CASQ1: variants seen among roughly 807,000 people sequenced by gnomAD.
CASQ1 encodes the protein calsequestrin-1.
CASQ1 carries 40 observed loss-of-function variants against 49.5 expected under a neutral mutation model. The observed-to-expected ratio is 0.81, with a 90% CI of 0.63 to 1.05. CASQ1 has a LOEUF of 1.05. CASQ1 is among the 50% of genes least tolerant of loss of function. The pLI, the probability that CASQ1 is intolerant of heterozygous loss-of-function variation, is 0.00. For synonymous variants in CASQ1, 174 were observed against 187.2 expected (o/e 0.93, Z 0.58); for missense variants, 469 against 486.9 (o/e 0.96, Z 0.35).
intron 7 of CASQ1, 38 bp from the exon 8 acceptor site, chr1:160,198,639 T>C (rs750054455): frequency 6.5e-6 from 10 of 1,541,110 alleles, no homozygotes; most frequent in African/African-American, 2.7e-5. Flanking sequence ...TAGTAAGGTC[T>C]TCTCCAAAAC....
intron 1 of CASQ1, 120 bp downstream of exon 1, chr1:160,191,150 A>C (rs1654067093): frequency 9.4e-7 from 1 of 1,061,474 alleles, no homozygotes; most frequent in Non-Finnish European, 1.4e-6. Context: ...TGTGGTAGGA[A>C]CCCTGTCCTG....
intron 6 of CASQ1, among the ~76,000 whole-genome samples, chr1:160,196,510 C>T (rs1473499812): frequency 6.6e-6 from 1 of 150,718 alleles, no homozygotes; most frequent in Non-Finnish European, 1.5e-5. Flanking sequence ...CCGAGTCTTA[C>T]TCTATCCCCT....
intron 1 of CASQ1, 104 bp downstream of exon 1, chr1:160,191,134 G>A (rs1278146339): frequency 7.9e-7 from 1 of 1,269,484 alleles, no homozygotes; most frequent in African/African-American, 1.5e-5. Flanking sequence ...TGGGGGTGAG[G>A]GGCAGTGTGG....
chr1:160,197,428 G>T, intron 6 of CASQ1, 141 bp from the exon 7 acceptor site: 1 of 679,720 alleles, frequency 1.5e-6, no homozygotes, highest in Non-Finnish European at 2.7e-6. Context: ...CCAGAGTTGA[G>T]GCCTTGCCAG....
intron 4 of CASQ1, 47 bp from the exon 5 acceptor site, chr1:160,195,414 G>A: frequency 6.4e-7 from 1 of 1,553,058 alleles, no homozygotes; most frequent in Non-Finnish European, 8.9e-7. Context: ...TGATTCCCGG[G>A]CAGACCCTGG....
chr1:160,191,052 C>T (rs907937424), intron 1 of CASQ1, 22 bp downstream of exon 1: 1 of 1,610,948 alleles, frequency 6.2e-7, no homozygotes, highest in East Asian at 2.2e-5. Context: ...GCACTGCAGG[C>T]CTGCAGAGCA....
At chr1:160,199,110 C>A in intron 9 of CASQ1, 57 bp downstream of exon 9, 1 of 1,077,494 alleles carries the variant, frequency 9.3e-7, no homozygotes, top group Non-Finnish European at 1.4e-6. Context: ...ACTGTGACAT[C>A]TTCTTAGTGA....
chr1:160,195,424 G>C, intron 4 of CASQ1, 37 bp from the exon 5 acceptor site: 4 of 1,595,754 alleles, frequency 2.5e-6, no homozygotes, highest in Non-Finnish European at 3.4e-6. Flanking sequence ...GCAGACCCTG[G>C]TTTCCCCAGA....
intron 1 of CASQ1, chr1:160,192,566 G>C: frequency 2.0e-6 from 1 of 495,560 alleles, no homozygotes; most frequent in Non-Finnish European, 3.7e-6. Context: ...GTGTCTTCAA[G>C]TCCAACATAA....
rs750563617 is a variant in CASQ1, at chr1:160,190,951, T to C, written c.200T>C (p.Leu67Pro). ...YKNVFKKYEV[L>P]ALLYHEPPED... ...AATGTGTTCAAGAAGTATGAGGTGC[T>C]GGCACTCCTCTACCATGAACCCCCC... Residue 67 changes from leucine to proline, a missense_variant, in exon 1 of 11, where the codon CTG becomes CCG. By Grantham distance (98) the Leu-to-Pro change is moderately conservative (BLOSUM62 -3). Coordinates refer to ENST00000368078, the MANE Select transcript of CASQ1 (RefSeq NM_001231.5). 32 of 1,614,034 alleles carry C rather than the reference T, an allele frequency of 2.0e-5. No individual in the cohort carries two copies. The East Asian group carries it at 7.1e-4, about 36-fold the overall frequency.
In CASQ1 at chr1:160,201,661, CTTGT is replaced by C; in HGVS notation, c.*286_*289del. 2.1e-6 allele frequency: 1 copy of C among 474,946 alleles called. No individual in the cohort carries two copies. Among genetic ancestry groups the C allele is most frequent in the East Asian group, 3.9e-5 (1 of 25,736 alleles). 29.4% of individuals were successfully genotyped at this position (474,946 alleles called of 1,614,324 possible). The stretch of plus-strand genomic sequence containing the variant: ...TCTTCCATCACTCTCCATACTCTTT[CTTGT>C]GATTCTCCTCTAGCCATATATATGG... On this transcript the variant is annotated 3_prime_UTR_variant, in exon 11 of 11. Coordinates refer to ENST00000368078, the MANE Select transcript of CASQ1 (RefSeq NM_001231.5).
At chr1:160,195,849 T>C (rs1438555295) in intron 5 of CASQ1, 48 bp from the exon 6 acceptor site, 2 of 1,595,448 alleles carry the variant, frequency 1.3e-6, no homozygotes, top group Non-Finnish European at 1.7e-6. Context: ...CTTCTCGACA[T>C]GACCCTGTGT....
intron 5 of CASQ1, 143 bp downstream of exon 5, chr1:160,195,677 C>A: frequency 1.2e-6 from 1 of 807,792 alleles, no homozygotes; most frequent in Non-Finnish European, 2.0e-6. Context: ...TCCTCCCACT[C>A]CATAGATTTA....
rs758133872 is a variant in CASQ1, at chr1:160,195,884, C to A, written c.652-13C>A. The A allele has an allele frequency of 5.0e-6, 8 of 1,613,204 alleles. No homozygotes were observed. In the African/African-American group the frequency reaches 1.1e-4, roughly 22 times the overall value. On this transcript the variant is annotated splice_polypyrimidine_tract_variant and intron_variant, in intron 5 of 10. Transcript: ENST00000368078. ...TCTCCTGCTCCACTCCCCTCCTACCCCCTCTCCCAAAGGTGGCAAAGAAGC... is the reference window on the plus strand; with the variant it reads ...TCTCCTGCTCCACTCCCCTCCTACCACCTCTCCCAAAGGTGGCAAAGAAGC...
chr1:160,194,963 T>C (rs780161633), intron 3 of CASQ1, 49 bp from the exon 4 acceptor site: 5 of 1,192,264 alleles, frequency 4.2e-6, no homozygotes, highest in Non-Finnish European at 4.8e-6. Flanking sequence ...CCCTTTCTGG[T>C]TCTACTTGAG....
At chr1:160,195,652 GC>G (rs66663076) in intron 5 of CASQ1, 118 bp downstream of exon 5, 7,484 of 710,250 alleles carry the variant, frequency 0.011, 36 homozygotes, top group African/African-American at 0.055. Flanking sequence ...CTCCCTACCT[GC>G]CCCCCCCCCC....
In CASQ1 at chr1:160,198,995, A is replaced by G. The variant is rs754247283; in HGVS notation, c.926A>G (p.Asp309Gly). 6 of 1,613,732 alleles carry G rather than the reference A, an allele frequency of 3.7e-6. No individual in the cohort carries two copies. The highest frequency in any genetic ancestry group is 5.1e-6 in the Non-Finnish European group (6 of 1,179,624). Residue 309 changes from aspartate to glycine, a missense_variant, in exon 9 of 11, where the codon GAT (aspartate) becomes GGT (glycine). Physicochemically the swap from Asp to Gly is moderately conservative, Grantham distance 94. Coordinates refer to ENST00000368078, the MANE Select transcript of CASQ1 (RefSeq NM_001231.5). The part of the protein sequence containing the change: ...FLETLKAVAQ[D>G]NTENPDLSII... ...GAGACTCTCAAGGCTGTGGCCCAAGATAACACTGAAAACCCAGATCTTAGC... is the reference window on the plus strand; with the variant it reads ...GAGACTCTCAAGGCTGTGGCCCAAGGTAACACTGAAAACCCAGATCTTAGC...
chr1:160,198,635 G>A, intron 7 of CASQ1, 42 bp from the exon 8 acceptor site: 2 of 1,472,646 alleles, frequency 1.4e-6, no homozygotes, highest in Non-Finnish European at 1.9e-6. Flanking sequence ...AGTATAGTAA[G>A]GTCTTCTCCA....
At chr1:160,201,188 C>G in intron 10 of CASQ1, 57 bp from the exon 11 acceptor site, 1 of 1,575,304 alleles carries the variant, frequency 6.3e-7, no homozygotes, top group Non-Finnish European at 8.6e-7. Flanking sequence ...AGTGGGAAGA[C>G]AGATCCTAAG....
Sources: gnomAD v4.1 joint callset for allele counts (sites outside exome capture counted in the v4.1 genomes callset) on GRCh38, gnomAD v4.1.1 for gene constraint, MANE v1.5 for transcripts, NCBI Gene and HGNC (gene_info 2026-07-23, HGNC 2026-07-21) for gene names.